The following AMELX variants were observed in gnomAD, a reference collection of about 807,000 sequenced individuals.
The protein encoded by AMELX is amelogenin X-linked.
A neutral mutation model predicts 15.8 loss-of-function variants in AMELX; 9 were observed. The observed-to-expected ratio is 0.57, with a 90% CI of 0.34 to 0.99. The LOEUF (loss-of-function observed/expected upper bound fraction) is 0.99, where lower values mean the gene tolerates loss of function less well. Among genes scored for constraint, AMELX ranks in the 50% least tolerant of loss-of-function variants. The pLI is 0.02. For missense variants in AMELX, 107 were observed against 156.2 expected (o/e 0.68, Z 1.68); for synonymous variants, 61 against 58.8 (o/e 1.04, Z -0.17).
chrX:11,300,693 T>G lies in AMELX; in HGVS notation c.*81T>G. On this transcript the variant is annotated 3_prime_UTR_variant, in exon 6 of 6. Coordinates refer to ENST00000380714, the MANE Select transcript of AMELX (RefSeq NM_001142.2). Reference sequence around the variant, plus strand: ...AGAACACAATGATTTTTGCTTATAATCACTTTACTTAGCAAATTCTGTAAC... The same window carrying G: ...AGAACACAATGATTTTTGCTTATAAGCACTTTACTTAGCAAATTCTGTAAC... The G allele has an allele frequency of 1.0e-6, 1 of 953,074 alleles. No individual in the cohort carries two copies. The highest frequency in any genetic ancestry group is 1.5e-6 in the Non-Finnish European group (1 of 674,101). The allele number at this position is 953,074 out of a possible 1,213,427, so 78.5% of individuals were successfully genotyped here.
In AMELX at chrX:11,298,811, TCACCAGCCCATG is replaced by T. The variant is rs1301017959; in HGVS notation, c.411_422del (p.His137_Met140del). 1 of 1,207,851 alleles carries T rather than the reference TCACCAGCCCATG, an allele frequency of 8.3e-7. No homozygotes were observed. The highest frequency in any genetic ancestry group is 1.8e-5 in the African/African-American group (1 of 56,511). On this transcript the variant is annotated inframe_deletion, in exon 5 of 6. Transcript: ENST00000380714. ...AGCCCCAGCCTGTTCAGCCACAGCC[TCACCAGCCCATG>T]CAGCCCCAGCCACCTGTGCACCCCA...
At chrX:11,296,562 C>G (rs982545266) in intron 2 of AMELX, among the ~76,000 whole-genome samples, 2 of 112,079 alleles carry the variant, frequency 1.8e-5, no homozygotes, top group African/African-American at 3.2e-5. Context: ...TTCTGAACCT[C>G]TTTAAAATAA....
At chrX:11,297,301 G>A (rs910272354) in intron 3 of AMELX, among the ~76,000 whole-genome samples, 3 of 111,841 alleles carry the variant, frequency 2.7e-5, no homozygotes, top group African/African-American at 6.5e-5. Context: ...GCAGAACAGC[G>A]GAATGCATGA....
At chrX:11,297,749 A>C (rs961570916) in intron 3 of AMELX, among the ~76,000 whole-genome samples, 3 of 112,330 alleles carry the variant, frequency 2.7e-5, no homozygotes, top group African/African-American at 9.7e-5. Context: ...TGATCAGTCA[A>C]TCTGTGTTTC....
At chrX:11,299,664 G>T (rs1466679949) in intron 5 of AMELX, among the ~76,000 whole-genome samples, 1 of 111,884 alleles carries the variant, frequency 8.9e-6, no homozygotes, top group East Asian at 2.8e-4. Context: ...CATCCATAAA[G>T]TCTTACTTCT....
At chrX:11,295,010 T>C (rs1279908290) in intron 2 of AMELX, among the ~76,000 whole-genome samples, 168 bp downstream of exon 2, 1 of 111,833 alleles carries the variant, frequency 8.9e-6, no homozygotes, top group Non-Finnish European at 1.9e-5. Flanking sequence ...AAAGGTATAT[T>C]CTCAAATGCC....
At chrX:11,293,779 A>G (rs2048034492) in intron 1 of AMELX, among the ~76,000 whole-genome samples, 1 of 112,311 alleles carries the variant, frequency 8.9e-6, no homozygotes, top group Non-Finnish European at 1.9e-5. Flanking sequence ...CTACTTTGAA[A>G]AGCTTTTTAT....
At chrX:11,308,896 C>A in the AMELX span, among the ~76,000 whole-genome samples, 1 of 112,133 alleles carries the variant, frequency 8.9e-6, no homozygotes, top group Non-Finnish European at 1.9e-5. Flanking sequence ...TTGCTCTGAA[C>A]TTTCAATAAA....
At chrX:11,303,491 C>A (rs1361070259), downstream of AMELX, among the ~76,000 whole-genome samples, 2 of 111,899 alleles carry the variant, frequency 1.8e-5, no homozygotes, top group African/African-American at 6.5e-5. Flanking sequence ...ACACTTGAAT[C>A]CTCTATCACA....
At chrX:11,304,697 C>G (rs1008674743), downstream of AMELX, among the ~76,000 whole-genome samples, 49 of 108,721 alleles carry the variant, frequency 4.5e-4, no homozygotes, top group Admixed American at 3.9e-4. Context: ...ACTCCCAACT[C>G]AGACCCTTCC....
intron 1 of AMELX, 131 bp downstream of exon 1, chrX:11,293,599 G>A (rs1189222338): frequency 9.0e-6 from 1 of 111,005 alleles, no homozygotes; most frequent in Non-Finnish European, 1.9e-5. Flanking sequence ...CTTTTTAGTT[G>A]GCCCATAATT....
At chrX:11,305,132 A>T (rs1049123333), downstream of AMELX, among the ~76,000 whole-genome samples, 2 of 111,300 alleles carry the variant, frequency 1.8e-5, no homozygotes, top group African/African-American at 6.5e-5. Context: ...AAGCAGGTAC[A>T]GTTGTGTCTC....
chrX:11,301,489 G>C (rs2048174932), downstream of AMELX, among the ~76,000 whole-genome samples: 1 of 111,537 alleles, frequency 9.0e-6, no homozygotes, highest in African/African-American at 3.3e-5. Context: ...TCTTTGCAGG[G>C]TTTATATTAC....
the AMELX span, among the ~76,000 whole-genome samples, chrX:11,306,549 C>T: frequency 8.9e-6 from 1 of 112,452 alleles, no homozygotes; most frequent in Non-Finnish European, 1.9e-5. Flanking sequence ...ATTCTCACAA[C>T]GTTATAGAAT....
the AMELX span, among the ~76,000 whole-genome samples, chrX:11,306,777 C>T: frequency 8.9e-6 from 1 of 112,210 alleles, no homozygotes; most frequent in Non-Finnish European, 1.9e-5. Context: ...AAGCTTGTCT[C>T]CTGTGACTTA....
intron 4 of AMELX, 122 bp from the exon 5 acceptor site, chrX:11,298,426 A>T (rs1326076390): frequency 8.7e-7 from 1 of 1,144,172 alleles, no homozygotes; most frequent in African/African-American, 1.8e-5. Context: ...ACAGTTACAA[A>T]TTTTTGCAAA....
At chrX:11,300,823 A>G, downstream of AMELX, 1 of 383,637 alleles carries the variant, frequency 2.6e-6, no homozygotes, top group East Asian at 4.1e-5. Context: ...TATATTATGA[A>G]TGAGTATTCT....
intron 1 of AMELX, among the ~76,000 whole-genome samples, chrX:11,294,355 T>C (rs2048045877): frequency 8.9e-6 from 1 of 112,476 alleles, no homozygotes; most frequent in Non-Finnish European, 1.9e-5. Context: ...GCACGAGACA[T>C]TTCTGTGCCT....
At chrX:11,306,087 T>C in the AMELX span, among the ~76,000 whole-genome samples, 2 of 111,468 alleles carry the variant, frequency 1.8e-5, no homozygotes, top group African/African-American at 6.5e-5. Flanking sequence ...TGCCACCTCT[T>C]CTAGAAATCT....
Sources: gnomAD v4.1 joint callset for allele counts (sites outside exome capture counted in the v4.1 genomes callset) on GRCh38, gnomAD v4.1.1 for gene constraint, MANE v1.5 for transcripts, NCBI Gene and HGNC (gene_info 2026-07-23, HGNC 2026-07-21) for gene names.